Variants in SYCP1 observed in about 807,000 individuals in gnomAD.
The protein encoded by SYCP1 is synaptonemal complex protein 1.
Under a neutral mutation model 153.1 loss-of-function variants are expected in SYCP1, and 64 were observed. The observed-to-expected ratio is 0.42, with a 90% CI of 0.34 to 0.51. The LOEUF (loss-of-function observed/expected upper bound fraction) is 0.51. Among genes scored for constraint, SYCP1 ranks in the 20% least tolerant of loss-of-function variants. The pLI, the probability that SYCP1 is intolerant of heterozygous loss-of-function variation, is 0.06. For synonymous variants in SYCP1, 384 were observed against 341.8 expected (o/e 1.12, Z -1.36); for missense variants, 997 against 1,049.0 (o/e 0.95, Z 0.68).
chr1:114,857,345 A>G, intron 4 of SYCP1, 70 bp downstream of exon 4: 1 of 1,548,984 alleles, frequency 6.5e-7, no homozygotes, highest in Non-Finnish European at 8.8e-7. Flanking sequence ...AGACGAAAAA[A>G]GTCTTTAGTT....
At chr1:114,858,949 T>C (rs1664194264) in intron 6 of SYCP1, among the ~76,000 whole-genome samples, 1 of 152,252 alleles carries the variant, frequency 6.6e-6, no homozygotes, top group African/African-American at 2.4e-5. Flanking sequence ...AATCACTTTA[T>C]ATAAAAATTG....
At chr1:114,975,227 A>T (rs1570899302) in intron 27 of SYCP1, among the ~76,000 whole-genome samples, 1 of 151,298 alleles carries the variant, frequency 6.6e-6, no homozygotes, top group East Asian at 1.9e-4. Flanking sequence ...GTTGTTTATG[A>T]TTCTGGATAT....
At chr1:114,914,577 A>G (rs1171130211) in intron 20 of SYCP1, among the ~76,000 whole-genome samples, 24 of 152,164 alleles carry the variant, frequency 1.6e-4, no homozygotes, top group Admixed American at 6.6e-5. Context: ...ACTCCAACCT[A>G]GTCAAGTTGT....
At chr1:114,978,231 G>A (rs1672927908) in intron 28 of SYCP1, among the ~76,000 whole-genome samples, 1 of 151,582 alleles carries the variant, frequency 6.6e-6, no homozygotes, top group Non-Finnish European at 1.5e-5. Flanking sequence ...CACAAGTAGA[G>A]CTTGACTAGC....
chr1:114,880,050 A>T (rs1665813823), intron 12 of SYCP1, among the ~76,000 whole-genome samples: 1 of 152,072 alleles, frequency 6.6e-6, no homozygotes, highest in Admixed American at 6.6e-5. Flanking sequence ...TTCTCTGTTT[A>T]TTTCAATATA....
chr1:114,917,103 T>G (rs1393964049), intron 20 of SYCP1, among the ~76,000 whole-genome samples: 1 of 152,034 alleles, frequency 6.6e-6, no homozygotes, highest in Non-Finnish European at 1.5e-5. Flanking sequence ...TCACTTTCTA[T>G]TTTTTGTACT....
intron 27 of SYCP1, among the ~76,000 whole-genome samples, chr1:114,948,193 T>G (rs1486013293): frequency 6.6e-6 from 1 of 152,218 alleles, no homozygotes; most frequent in Admixed American, 6.5e-5. Context: ...TTTTACAGTT[T>G]GCAAGGTGAA....
intron 30 of SYCP1, among the ~76,000 whole-genome samples, chr1:114,986,904 C>T (rs1284179324): frequency 6.6e-6 from 1 of 151,924 alleles, no homozygotes; most frequent in Non-Finnish European, 1.5e-5. Context: ...ATGATAGCAG[C>T]TACCAGTCTC....
At chr1:114,891,806 C>G (rs12092196) in intron 15 of SYCP1, among the ~76,000 whole-genome samples, 1 of 152,082 alleles carries the variant, frequency 6.6e-6, no homozygotes, top group African/African-American at 2.4e-5. Flanking sequence ...ATGTTTATTC[C>G]TTATTTAGCC....
intron 30 of SYCP1, 73 bp from the exon 31 acceptor site, chr1:114,994,625 T>C (rs1052007264): frequency 1.7e-6 from 2 of 1,182,692 alleles, no homozygotes; most frequent in Non-Finnish European, 2.3e-6. Flanking sequence ...ACATGTGATA[T>C]GTTGACAAAA....
chr1:114,984,873 A>G lies in SYCP1; in HGVS notation c.2703+5A>G, dbSNP rs1673396017. On this transcript the variant is annotated splice_donor_5th_base_variant and intron_variant, in intron 30 of 31. Coordinates refer to ENST00000369522, the MANE Select transcript of SYCP1 (RefSeq NM_003176.4). ...TCAGAAACTACTGATCTTTTGGTAA[A>G]AATTTTACAAATAATATTTAGTATT... The G allele has an allele frequency of 2.3e-6, 3 of 1,296,250 alleles. No individual in the cohort carries two copies. Among genetic ancestry groups the G allele is most frequent in the Middle Eastern group, 2.4e-4 (1 of 4,096 alleles). 80.3% of individuals were successfully genotyped at this position (1,296,250 alleles called of 1,614,324 possible).
At chr1:114,861,478 G>A (rs360617) in intron 8 of SYCP1, among the ~76,000 whole-genome samples, 67,818 of 151,756 alleles carry the variant, frequency 0.45, 16,452 homozygotes, top group Non-Finnish European at 0.55. Flanking sequence ...CTGCTTTTTC[G>A]GGATATTCTC....
At chr1:114,865,869 G>A (rs1340500176) in intron 8 of SYCP1, among the ~76,000 whole-genome samples, 3 of 152,136 alleles carry the variant, frequency 2.0e-5, no homozygotes, top group Non-Finnish European at 4.4e-5. Flanking sequence ...GGTAACCACT[G>A]ATCTTTTAAC....
At chr1:114,905,114 G>T (rs1254404183) in intron 16 of SYCP1, among the ~76,000 whole-genome samples, 1 of 152,042 alleles carries the variant, frequency 6.6e-6, no homozygotes, top group Non-Finnish European at 1.5e-5. Context: ...TTATATTTGA[G>T]TTCATAAGAG....
chr1:114,936,901 C>CA (rs1243993642), intron 23 of SYCP1, among the ~76,000 whole-genome samples: 2 of 152,104 alleles, frequency 1.3e-5, no homozygotes, highest in African/African-American at 4.8e-5. Flanking sequence ...AAAGAGGACA[C>CA]AGCAAATGGA....
At chr1:114,930,570 G>C (rs1669559810) in intron 23 of SYCP1, among the ~76,000 whole-genome samples, 1 of 151,730 alleles carries the variant, frequency 6.6e-6, no homozygotes, top group South Asian at 2.1e-4. Flanking sequence ...TAGATAAAAT[G>C]GGCAAATTTC....
At chr1:114,983,015 C>A (rs1279992401) in intron 29 of SYCP1, among the ~76,000 whole-genome samples, 1 of 152,000 alleles carries the variant, frequency 6.6e-6, no homozygotes, top group East Asian at 1.9e-4. Flanking sequence ...CAAATTTCTT[C>A]AAATGCCTAG....
At chr1:114,871,870 G>A (rs1665160071) in intron 8 of SYCP1, among the ~76,000 whole-genome samples, 1 of 152,206 alleles carries the variant, frequency 6.6e-6, no homozygotes, top group East Asian at 1.9e-4. Context: ...ACAGGTGTGA[G>A]CCACTGCGCC....
intron 27 of SYCP1, among the ~76,000 whole-genome samples, chr1:114,964,477 G>A (rs1028163990): frequency 1.3e-5 from 2 of 151,964 alleles, no homozygotes; most frequent in African/African-American, 4.8e-5. Flanking sequence ...GTATTGCCTA[G>A]GTTTTTTTTC....
Sources: allele counts gnomAD v4.1 joint callset (sites outside exome capture counted in the v4.1 genomes callset), GRCh38; gene constraint gnomAD v4.1.1; transcripts MANE v1.5; gene names NCBI Gene and HGNC (gene_info 2026-07-23, HGNC 2026-07-21).